The following RACGAP1 variants were observed in gnomAD, a reference collection of about 807,000 sequenced individuals.
The protein encoded by RACGAP1 is Rac GTPase activating protein 1, also known as rac GTPase-activating protein 1.
Under a neutral mutation model 78.1 loss-of-function variants are expected in RACGAP1, and 30 were observed. The observed-to-expected ratio is 0.38, with a 90% CI of 0.29 to 0.52. RACGAP1 has a LOEUF of 0.52. Ranked by LOEUF, RACGAP1 falls within the 20% of genes least tolerant of loss-of-function variation. The pLI, the probability that RACGAP1 is intolerant of heterozygous loss-of-function variation, is 0.82. For missense variants in RACGAP1, 587 were observed against 777.1 expected, an observed-to-expected ratio of 0.76 and a Z score of 2.91; for synonymous variants, 231 against 264.8, an observed-to-expected ratio of 0.87 and a Z score of 1.24.
intron 2 of RACGAP1, among the ~76,000 whole-genome samples, chr12:50,010,243 T>C (rs1409354622): frequency 6.6e-6 from 1 of 152,080 alleles, no homozygotes; most frequent in Non-Finnish European, 1.5e-5. Context: ...AAATATGCTA[T>C]TAAAGTCATC....
intron 1 of RACGAP1, 198 bp from the exon 2 acceptor site, chr12:50,016,917 A>T (rs1949716116): frequency 7.4e-7 from 1 of 1,343,848 alleles, no homozygotes; most frequent in South Asian, 2.0e-5. Context: ...GACTCATCTG[A>T]AAATTAGAAA....
chr12:50,001,044 G>T, intron 7 of RACGAP1, 128 bp downstream of exon 7: 1 of 756,908 alleles, frequency 1.3e-6, no homozygotes, highest in Non-Finnish European at 2.0e-6. Context: ...ACAAAACTCT[G>T]TCTCAAAAAA....
chr12:50,029,512 T>C (rs1950312327), upstream of RACGAP1, among the ~76,000 whole-genome samples: 1 of 151,908 alleles, frequency 6.6e-6, no homozygotes, highest in African/African-American at 2.4e-5. Context: ...AGACGGAGGT[T>C]GCAGTGAACC....
chr12:49,995,257 A>C (rs1040080056), intron 10 of RACGAP1, among the ~76,000 whole-genome samples: 1 of 152,144 alleles, frequency 6.6e-6, no homozygotes, highest in Non-Finnish European at 1.5e-5. Context: ...CTGAGGCAGG[A>C]GAATCGCTTG....
At chr12:49,998,352 C>T (rs11169244) in intron 9 of RACGAP1, among the ~76,000 whole-genome samples, 12 of 150,598 alleles carry the variant, frequency 8.0e-5, no homozygotes, top group African/African-American at 2.4e-4. Context: ...TGCAGTGAGC[C>T]GAAATCGCAC....
At chr12:49,999,866 T>C in intron 7 of RACGAP1, 133 bp from the exon 8 acceptor site, 4 of 677,082 alleles carry the variant, frequency 5.9e-6, no homozygotes, top group South Asian at 5.3e-5. Context: ...TACTTTTTTT[T>C]TGAGACAGAG....
intron 2 of RACGAP1, chr12:50,031,657 G>A (rs1340863791): frequency 1.4e-5 from 14 of 983,710 alleles, no homozygotes; most frequent in Admixed American, 6.2e-5. Flanking sequence ...GGAACTTCCC[G>A]AACTTCCAGT....
Position 49,996,628 on chromosome 12 carries a change from TAAAAAAAAAAAAAAAAAAAAA to T in RACGAP1, c.1044+391_1044+411del, listed in dbSNP as rs57512055. On this transcript the variant is annotated intron_variant, in intron 10 of 16. Coordinates refer to ENST00000312377, the MANE Select transcript of RACGAP1 (RefSeq NM_001319999.2). Reference sequence around the variant, plus strand: ...TGCACTCCAGCCTAGGCAATAGAGCTAAAAAAAAAAAAAAAAAAAAAAAAAAAAAAAAAAAAAAAATGGACA... The same window carrying T: ...TGCACTCCAGCCTAGGCAATAGAGCTAAAAAAAAAAAAAAAAAAATGGACA... 6.3e-3 allele frequency among the ~76,000 whole-genome samples: 120 copies of T among 18,996 alleles called. 3 individuals are homozygous for T. Among genetic ancestry groups the T allele is most frequent in the African/African-American group, 0.023 (104 of 4,440 alleles). The allele number at this position is 18,996 out of a possible 152,430, so 12.5% of individuals were successfully genotyped here.
At chr12:50,019,619 A>T (rs1000728399) in intron 1 of RACGAP1, 1 of 151,970 alleles carries the variant, frequency 6.6e-6, no homozygotes, top group Non-Finnish European at 1.5e-5. Context: ...CCAGCTATTC[A>T]GGAGGCTGAA....
chr12:50,022,540 C>T (rs1253360508), intron 1 of RACGAP1, among the ~76,000 whole-genome samples: 1 of 152,120 alleles, frequency 6.6e-6, no homozygotes, highest in East Asian at 1.9e-4. Flanking sequence ...CAAGATGGCG[C>T]CATTGCACTC....
chr12:50,011,953 CAAAAAAAAAAAAAA>C (rs771572498), intron 2 of RACGAP1, among the ~76,000 whole-genome samples: 3 of 34,514 alleles, frequency 8.7e-5, no homozygotes, highest in East Asian at 1.8e-3. Flanking sequence ...GACTCCGTCT[CAAAAAAAAAAAAAA>C]AAAAAAAAAA....
At chr12:50,007,060 G>A (rs899516877) in intron 2 of RACGAP1, among the ~76,000 whole-genome samples, 1 of 152,168 alleles carries the variant, frequency 6.6e-6, no homozygotes, top group African/African-American at 2.4e-5. Context: ...CCAGAGAGAT[G>A]TTAAACAGCA....
At chr12:50,000,394 A>G (rs959013599) in intron 7 of RACGAP1, among the ~76,000 whole-genome samples, 5 of 151,934 alleles carry the variant, frequency 3.3e-5, no homozygotes, top group African/African-American at 1.2e-4. Flanking sequence ...TCAGGTGATC[A>G]TCCACCTGCC....
At chr12:50,005,466 C>A in intron 3 of RACGAP1, 74 bp from the exon 4 acceptor site, 5 of 1,559,316 alleles carry the variant, frequency 3.2e-6, no homozygotes, top group Non-Finnish European at 4.4e-6. Flanking sequence ...ATGGGACAGG[C>A]AGACCAGAAG....
At position 49,990,690 on chromosome 12, in the gene RACGAP1, G is replaced by A; in HGVS notation, c.1817C>T (p.Thr606Ile). ...GAAGGCCAATTCTGCATACCTAGGA[G>A]TGTTCTTGGTGAGGGTGGAACGGAC... ...QRVRSTLTKNTPRFGSKSKSA... is the reference protein window; with the variant it reads ...QRVRSTLTKNIPRFGSKSKSA... The change falls in exon 16 of 17, where the codon ACT becomes ATT. Residue 606 changes from threonine to isoleucine, a missense_variant. Coordinates refer to ENST00000312377, the MANE Select transcript of RACGAP1 (RefSeq NM_001319999.2). 1.2e-6 allele frequency: 2 copies of A among 1,608,044 alleles called. No homozygotes were observed. The highest frequency in any genetic ancestry group is 1.7e-6 in the Non-Finnish European group (2 of 1,174,558).
intron 10 of RACGAP1, 151 bp from the exon 11 acceptor site, chr12:49,994,660 G>A (rs1948134186): frequency 7.6e-7 from 1 of 1,309,254 alleles, no homozygotes; most frequent in African/African-American, 1.5e-5. Flanking sequence ...TATTAAAACA[G>A]AGACTCTCAA....
chr12:49,997,160 T>C lies in RACGAP1; in HGVS notation c.924A>G (p.Lys308=). 4 of 1,608,990 alleles carry C rather than the reference T, an allele frequency of 2.5e-6. No individual in the cohort carries two copies. Among genetic ancestry groups the C allele is most frequent in the Non-Finnish European group, 3.4e-6 (4 of 1,176,172 alleles). The change falls in exon 10 of 17, where the codon AAA becomes AAG. Residue 308 remains lysine, a synonymous_variant. Coordinates refer to ENST00000312377, the MANE Select transcript of RACGAP1 (RefSeq NM_001319999.2). ...GACACTTCAGAGATAATTTGCCAAA[T>C]TTTATCCGCTTTCCACATGGAACAC... The part of the protein sequence containing the change: ...ESCVPCGKRI[K]FGKLSLKCRD...
intron 10 of RACGAP1, 75 bp downstream of exon 10, chr12:49,996,965 A>G: frequency 7.2e-7 from 1 of 1,385,678 alleles, no homozygotes; most frequent in Non-Finnish European, 9.4e-7. Flanking sequence ...TTAATTTTAG[A>G]ACAAAAACTG....
chr12:49,995,220 T>A (rs1342345076), intron 10 of RACGAP1, among the ~76,000 whole-genome samples: 2 of 152,058 alleles, frequency 1.3e-5, no homozygotes, highest in Non-Finnish European at 2.9e-5. Context: ...TGGTGGCGCA[T>A]GCCTGTAATC....
Sources: allele counts gnomAD v4.1 joint callset (sites outside exome capture counted in the v4.1 genomes callset), GRCh38; gene constraint gnomAD v4.1.1; transcripts MANE v1.5; gene names NCBI Gene and HGNC (gene_info 2026-07-23, HGNC 2026-07-21).